The following GPSM1 variants were observed in gnomAD, a reference collection of about 807,000 sequenced individuals.
GPSM1 encodes G protein signaling modulator 1.
A neutral mutation model predicts 70.5 loss-of-function variants in GPSM1; 48 were observed. The ratio of observed to expected loss-of-function variants is 0.68; its 90% CI spans 0.54 to 0.87. The LOEUF is 0.87. Ranked by LOEUF, GPSM1 falls within the 40% of genes least tolerant of loss-of-function variation. The pLI, the probability that GPSM1 is intolerant of heterozygous loss-of-function variation, is 0.00. For missense variants in GPSM1, 981 were observed against 972.6 expected, an observed-to-expected ratio of 1.01 and a Z score of -0.11; for synonymous variants, 416 against 430.1, an observed-to-expected ratio of 0.97 and a Z score of 0.41.
chr9:136,344,408 G>A (rs948189501), intron 9 of GPSM1, among the ~76,000 whole-genome samples: 1 of 152,244 alleles, frequency 6.6e-6, no homozygotes, highest in Non-Finnish European at 1.5e-5. Context: ...AGAAGGCCAG[G>A]GTTTGGGTGC....
In GPSM1 at chr9:136,334,568, A is replaced by T. The variant is rs138830891; in HGVS notation, c.190A>T (p.Thr64Ser). 2.5e-6 allele frequency: 4 copies of T among 1,613,212 alleles called. No homozygotes were observed. In the African/African-American group the frequency reaches 5.3e-5, roughly 22 times the overall value. The change falls in exon 2 of 14, where the codon ACA (threonine) becomes TCA (serine). Residue 64 changes from threonine (T) to serine (S), a missense_variant. Physicochemically the swap from Thr to Ser is moderately conservative, Grantham distance 58 (BLOSUM62 1). Transcript: ENST00000440944. ...GCAGGTGGGCACCGAGGACCTGAAG[A>T]CACTGAGTGCCATCTACAGCCAGCT... ...AVQVGTEDLK[T>S]LSAIYSQLGN...
intron 11 of GPSM1, among the ~76,000 whole-genome samples, chr9:136,354,148 G>A (rs561998401): frequency 2.0e-5 from 3 of 152,316 alleles, no homozygotes; most frequent in Admixed American, 6.5e-5. Context: ...GACTCCAGGG[G>A]CCAGAGCCAG....
At chr9:136,329,618 A>AGG (rs1239893369) in intron 1 of GPSM1, among the ~76,000 whole-genome samples, 1 of 152,160 alleles carries the variant, frequency 6.6e-6, no homozygotes, top group Admixed American at 6.5e-5. Flanking sequence ...ATGGGGCTCC[A>AGG]GGTTGGCCCA....
At chr9:136,334,704 G>A (rs782815439) in intron 2 of GPSM1, 36 bp downstream of exon 2, 5 of 1,559,342 alleles carry the variant, frequency 3.2e-6, no homozygotes, top group Non-Finnish European at 4.4e-6. Flanking sequence ...GGTGAGTGGG[G>A]CGGCCCTGCT....
In GPSM1 at chr9:136,341,477, A is replaced by G; in HGVS notation, c.1207+484A>G. On this transcript the variant is annotated intron_variant, in intron 9 of 13. Coordinates refer to ENST00000440944, the MANE Select transcript of GPSM1 (RefSeq NM_001145638.3). The surrounding 1 kb of genome is among the most constrained non-coding windows in gnomAD (Gnocchi z 6.7). ...GCCACCGTGGTGACCTCATTCATGGACCGCTGGTCGTCCCATGCCGGTCAG... is the reference window on the plus strand; with the variant it reads ...GCCACCGTGGTGACCTCATTCATGGGCCGCTGGTCGTCCCATGCCGGTCAG... 1 of 1,299,414 alleles carries G rather than the reference A, an allele frequency of 7.7e-7. No homozygotes were observed. Among genetic ancestry groups the G allele is most frequent in the Non-Finnish European group, 9.8e-7 (1 of 1,022,942 alleles). The allele number at this position is 1,299,414 out of a possible 1,614,324, so 80.5% of individuals were successfully genotyped here.
chr9:136,335,989 A>G lies in GPSM1; in HGVS notation c.314A>G (p.Glu105Gly). 6.2e-7 allele frequency: 1 copy of G among 1,612,404 alleles called. No homozygotes were observed. Among genetic ancestry groups the G allele is most frequent in the Non-Finnish European group, 8.5e-7 (1 of 1,179,834 alleles). Reference sequence around the variant, plus strand: ...AGGACCATCGGTGACCGCATGGGGGAGGCCAAGGCCAGTGGAAACCTGGGA... The same window carrying G: ...AGGACCATCGGTGACCGCATGGGGGGGGCCAAGGCCAGTGGAAACCTGGGA... ...LARTIGDRMG[E>G]AKASGNLGNT... The change falls in exon 3 of 14, where the codon GAG (glutamate) becomes GGG (glycine). Residue 105 changes from glutamate to glycine, a missense_variant. Coordinates refer to ENST00000440944, the MANE Select transcript of GPSM1 (RefSeq NM_001145638.3).
intron 9 of GPSM1, among the ~76,000 whole-genome samples, chr9:136,347,616 G>A (rs782305802): frequency 1.3e-5 from 2 of 152,176 alleles, no homozygotes; most frequent in Non-Finnish European, 2.9e-5. Context: ...TGTCCGTCCC[G>A]CCGCCTCCTC....
In GPSM1 at chr9:136,327,587, G is replaced by A. The variant is rs561078522; in HGVS notation, c.-109G>A. On this transcript the variant is annotated 5_prime_UTR_variant, in exon 1 of 14. Coordinates refer to ENST00000440944, the MANE Select transcript of GPSM1 (RefSeq NM_001145638.3). ...GAGGACGGGCGAACGAGGCGCGGAC[G>A]GACAGGCGGACAGCAGGGCGGACAG... The A allele has an allele frequency of 1.4e-5, 3 of 211,564 alleles. No individual in the cohort carries two copies. Among genetic ancestry groups the A allele is most frequent in the East Asian group, 1.4e-4 (1 of 6,914 alleles). The allele number at this position is 211,564 out of a possible 1,614,324, so 13.1% of individuals were successfully genotyped here.
rs1832430917 is a variant in GPSM1, at chr9:136,342,956, C to A, written c.1207+1963C>A. Among the ~76,000 whole-genome samples the A allele has an allele frequency of 6.6e-6, 1 of 151,992 alleles. No homozygotes were observed. The highest frequency in any genetic ancestry group is 1.5e-5 in the Non-Finnish European group (1 of 67,992). On this transcript the variant is annotated intron_variant, in intron 9 of 13. Transcript: ENST00000440944. The surrounding 1 kb of genome is among the most constrained non-coding windows in gnomAD (Gnocchi z 5.5). ...GGGCGTGGTCCATGGGGGCGGTGGG[C>A]GTGGCAGAGGCTGGTGGGTTTGGTG...
In GPSM1 at chr9:136,334,533, A is replaced by T; in HGVS notation, c.155A>T (p.Glu52Val). 1 of 1,613,336 alleles carries T rather than the reference A, an allele frequency of 6.2e-7. No homozygotes were observed. The highest frequency in any genetic ancestry group is 8.5e-7 in the Non-Finnish European group (1 of 1,179,920). Residue 52 changes from glutamate to valine, a missense_variant, in exon 2 of 14, where the codon GAG (glutamate) becomes GTG (valine). Transcript: ENST00000440944. ...GDFKTGVAFF[E>V]AAVQVGTEDL... ...TTCAAGACAGGCGTGGCCTTCTTTG[A>T]GGCTGCTGTGCAGGTGGGCACCGAG...
Position 136,359,474 on chromosome 9 carries a change from C to T in GPSM1, c.*1254C>T, listed in dbSNP as rs929524307. ...CAGGGTCTCCAGGACGTAGCGCCCC[C>T]CCGCATACTTGAATGTATGTGCGTA... On this transcript the variant is annotated 3_prime_UTR_variant, in exon 14 of 14. Transcript: ENST00000440944. 1 of 152,302 alleles carries T rather than the reference C, an allele frequency of 6.6e-6. No homozygotes were observed. Among genetic ancestry groups the T allele is most frequent in the Non-Finnish European group, 1.5e-5 (1 of 68,018 alleles). 9.4% of individuals were successfully genotyped at this position (152,302 alleles called of 1,614,324 possible). A position where few individuals can be genotyped will look rare whatever the true frequency, so the allele number is the denominator to read the frequency against.
At chr9:136,336,874 G>T in intron 3 of GPSM1, 47 bp from the exon 4 acceptor site, 1 of 1,525,014 alleles carries the variant, frequency 6.6e-7, no homozygotes, top group Non-Finnish European at 8.8e-7. Context: ...TGCACATCGT[G>T]TGGGGGGCCG....
At chr9:136,346,480 C>A (rs970536077) in intron 9 of GPSM1, among the ~76,000 whole-genome samples, 1 of 152,236 alleles carries the variant, frequency 6.6e-6, no homozygotes, top group Non-Finnish European at 1.5e-5. Flanking sequence ...CCATAGGTAG[C>A]ACCTTGCTGT....
intron 11 of GPSM1, among the ~76,000 whole-genome samples, chr9:136,350,937 G>A (rs78270318): frequency 0.037 from 5,569 of 152,294 alleles, 129 homozygotes; most frequent in East Asian, 0.12. Context: ...CCTGTGCCTG[G>A]CAGGTGTCAG....
intron 1 of GPSM1, among the ~76,000 whole-genome samples, chr9:136,328,899 G>A (rs1423946871): frequency 1.3e-5 from 2 of 152,230 alleles, no homozygotes; most frequent in African/African-American, 4.8e-5. Context: ...GGCTGTGCAG[G>A]GCCGCATGTG....
intron 9 of GPSM1, among the ~76,000 whole-genome samples, chr9:136,347,878 G>A (rs534526160): frequency 5.1e-4 from 78 of 152,298 alleles, no homozygotes; most frequent in Admixed American, 5.0e-3. Flanking sequence ...AGGGCTGAGC[G>A]ACACCCGTCT....
chr9:136,337,020 C>T lies in GPSM1; in HGVS notation c.526C>T (p.His176Tyr). ...NAANATQDPG[H>Y]LPPDVRETLC... ...CGCAAACGCCACGCAGGACCCCGGG[C>T]ACCTGCCGCCCGATGTCCGAGAGAC... The change falls in exon 4 of 14, where the codon CAC becomes TAC. Residue 176 changes from histidine (H) to tyrosine (Y), a missense_variant. Transcript: ENST00000440944. 1 of 1,552,072 alleles carries T rather than the reference C, an allele frequency of 6.4e-7. No individual in the cohort carries two copies. The highest frequency in any genetic ancestry group is 8.7e-7 in the Non-Finnish European group (1 of 1,147,886).
chr9:136,338,397 C>T (rs1316662966), intron 6 of GPSM1, among the ~76,000 whole-genome samples, 158 bp from the exon 7 acceptor site: 1 of 152,210 alleles, frequency 6.6e-6, no homozygotes, highest in African/African-American at 2.4e-5. Flanking sequence ...CAGTCCCGCT[C>T]TGTGGCCATG....
chr9:136,355,472 C>T (rs1332124932), intron 11 of GPSM1: 4 of 73,948 alleles, frequency 5.4e-5, no homozygotes, highest in Non-Finnish European at 8.7e-5. Context: ...GAGGGGTAGC[C>T]GGGTGCCGAG....
Sources: gnomAD v4.1 joint callset for allele counts (sites outside exome capture counted in the v4.1 genomes callset) on GRCh38, gnomAD v4.1.1 for gene constraint, Gnocchi (gnomAD v3.1) non-coding constraint, MANE v1.5 for transcripts, NCBI Gene and HGNC (gene_info 2026-07-23, HGNC 2026-07-21) for gene names.